Variants in MAP4K3 observed in about 807,000 individuals in gnomAD.
MAP4K3 encodes mitogen-activated protein kinase kinase kinase kinase 3.
MAP4K3 carries 94 observed loss-of-function variants against 143.5 expected under a neutral mutation model. The ratio of observed to expected loss-of-function variants is 0.65; its 90% CI spans 0.55 to 0.78. The LOEUF is 0.78. MAP4K3 is among the 30% of genes least tolerant of loss of function. MAP4K3 has a pLI of 0.00. For missense variants in MAP4K3, 1,077 were observed against 1,068.1 expected (o/e 1.01, Z -0.12); for synonymous variants, 416 against 347.2 (o/e 1.20, Z -2.20).
At chr2:39,340,873 G>C (rs1024086775) in intron 4 of MAP4K3, among the ~76,000 whole-genome samples, 5 of 152,132 alleles carry the variant, frequency 3.3e-5, no homozygotes, top group Admixed American at 1.3e-4. Context: ...CTGGAAGATA[G>C]ATATGAGTAT....
At chr2:39,396,063 A>T (rs1039446518) in intron 1 of MAP4K3, among the ~76,000 whole-genome samples, 2 of 152,052 alleles carry the variant, frequency 1.3e-5, no homozygotes, top group African/African-American at 4.8e-5. Flanking sequence ...TTGAGACAAG[A>T]TCTCACTCTG....
chr2:39,422,461 A>C (rs1458026552), intron 1 of MAP4K3, among the ~76,000 whole-genome samples: 1 of 152,214 alleles, frequency 6.6e-6, no homozygotes, highest in East Asian at 1.9e-4. Flanking sequence ...GTGAGGCCTC[A>C]GAAGAACCAA....
chr2:39,270,458 T>G (rs1036316002), intron 26 of MAP4K3, among the ~76,000 whole-genome samples: 5 of 152,236 alleles, frequency 3.3e-5, no homozygotes, highest in African/African-American at 1.2e-4. Context: ...CAATTTATCA[T>G]GCCCAATAAT....
chr2:39,278,190 G>A (rs1047664257), intron 24 of MAP4K3, among the ~76,000 whole-genome samples: 1 of 151,916 alleles, frequency 6.6e-6, no homozygotes, highest in African/African-American at 2.4e-5. Flanking sequence ...GCTGAGGCAT[G>A]AGAATTGCTT....
chr2:39,299,841 TATGACACACC>T (rs1682436390), intron 15 of MAP4K3, 40 bp from the exon 16 acceptor site: 1 of 992,368 alleles, frequency 1.0e-6, no homozygotes, highest in Admixed American at 2.4e-5. Flanking sequence ...AATAGTAGTA[TATGACACACC>T]ATGATACATT....
In MAP4K3 at chr2:39,336,625, T is replaced by G. The variant is rs552091944; in HGVS notation, c.414+295A>C. ...AAACTTACTAAAAACTATAACTTGA[T>G]GAAAGCTATAAGCTTACTCTGCATT... is the stretch of plus-strand genomic sequence containing the variant. On this transcript the variant is annotated intron_variant, in intron 6 of 33. Coordinates refer to ENST00000263881, the MANE Select transcript of MAP4K3 (RefSeq NM_003618.4). 9.2e-5 allele frequency among the ~76,000 whole-genome samples: 14 copies of G among 152,190 alleles called. No individual in the cohort carries two copies. In the South Asian group the frequency reaches 2.9e-3, roughly 32 times the overall value.
intron 2 of MAP4K3, 112 bp from the exon 3 acceptor site, chr2:39,356,451 G>A (rs1172981096): frequency 7.8e-6 from 5 of 639,196 alleles, no homozygotes; most frequent in African/African-American, 5.7e-5. Context: ...CATAATTAAT[G>A]AGTTATAAAT....
intron 17 of MAP4K3, 39 bp from the exon 18 acceptor site, chr2:39,292,865 T>C: frequency 6.4e-7 from 1 of 1,551,114 alleles, no homozygotes; most frequent in Non-Finnish European, 8.9e-7. Context: ...TTAAATGGAT[T>C]TTACCAAAAC....
chr2:39,323,705 GCT>G (rs1683395750), intron 12 of MAP4K3: 1 of 151,950 alleles, frequency 6.6e-6, no homozygotes, highest in African/African-American at 2.4e-5. Context: ...AAAGATACTT[GCT>G]CTGTGTCACA....
Position 39,272,368 on chromosome 2 carries a change from G to A in MAP4K3, c.1888C>T (p.Pro630Ser), listed in dbSNP as rs1395834822. Reference sequence around the variant, plus strand: ...TGTCTTGCATAATCAAAAAGCCCTGGTAAATTATGGGAATAAAGCTGAGAA... The same window carrying A: ...TGTCTTGCATAATCAAAAAGCCCTGATAAATTATGGGAATAAAGCTGAGAA... ...KASQLYSHNL[P>S]GLFDYARQMQ... Residue 630 changes from proline to serine, a missense_variant, in exon 26 of 34, where the codon CCA becomes TCA. Coordinates refer to ENST00000263881, the MANE Select transcript of MAP4K3 (RefSeq NM_003618.4). The A allele has an allele frequency of 2.5e-6, 4 of 1,613,526 alleles. No homozygotes were observed. The highest frequency in any genetic ancestry group is 1.3e-5 in the African/African-American group (1 of 74,888).
chr2:39,356,069 G>A (rs952727083), intron 3 of MAP4K3, 180 bp downstream of exon 3: 24 of 498,126 alleles, frequency 4.8e-5, no homozygotes, highest in African/African-American at 4.8e-4. Flanking sequence ...TCATACGACT[G>A]CAATATTGGT....
intron 2 of MAP4K3, among the ~76,000 whole-genome samples, chr2:39,373,026 T>C (rs1307101888): frequency 1.3e-5 from 2 of 152,116 alleles, no homozygotes; most frequent in African/African-American, 4.8e-5. Context: ...AGAAAATATC[T>C]GCAAACTACT....
rs376389310 is a variant in MAP4K3, at chr2:39,309,467, A to T, written c.1050T>A (p.His350Gln). Residue 350 changes from histidine to glutamine, a missense_variant, in exon 14 of 34, where the codon CAT becomes CAA. Physicochemically the swap from His to Gln is conservative, Grantham distance 24. Around this residue, in one of 2 missense-constraint regions of MAP4K3, gnomAD observed 864 missense variants for 801.2 expected, o/e 1.08. Coordinates refer to ENST00000263881, the MANE Select transcript of MAP4K3 (RefSeq NM_003618.4). ...PPLRKETEPH[H>Q]ELPDSDGFLD... ...CTAAGGCTATACTACTTACAAGTTC[A>T]TGATGTGGTTCTGTCTCCTTTCTTA... is the stretch of plus-strand genomic sequence containing the variant. 1.3e-6 allele frequency: 2 copies of T among 1,587,506 alleles called. No individual in the cohort carries two copies. Among genetic ancestry groups the T allele is most frequent in the Non-Finnish European group, 1.7e-6 (2 of 1,169,082 alleles).
intron 3 of MAP4K3, among the ~76,000 whole-genome samples, chr2:39,344,290 C>G (rs983244732): frequency 6.6e-6 from 1 of 152,172 alleles, no homozygotes; most frequent in Non-Finnish European, 1.5e-5. Flanking sequence ...GGCCAGCGGA[C>G]CAAATCTAGC....
chr2:39,399,403 C>A (rs1170148696), intron 1 of MAP4K3, among the ~76,000 whole-genome samples: 3 of 152,244 alleles, frequency 2.0e-5, no homozygotes, highest in African/African-American at 7.2e-5. Context: ...TCAATCCAGT[C>A]AAAGAATGAA....
chr2:39,399,174 G>C (rs536947095), intron 1 of MAP4K3, among the ~76,000 whole-genome samples: 1 of 151,806 alleles, frequency 6.6e-6, no homozygotes, highest in Non-Finnish European at 1.5e-5. Flanking sequence ...CTTTGAAAAC[G>C]TATGTTGTAC....
At chr2:39,345,680 G>T (rs1665268158) in intron 3 of MAP4K3, among the ~76,000 whole-genome samples, 2 of 152,024 alleles carry the variant, frequency 1.3e-5, no homozygotes, top group African/African-American at 4.8e-5. Flanking sequence ...AGCACTTTGG[G>T]AGGCCGAGGC....
At chr2:39,258,272 C>A in intron 31 of MAP4K3, 76 bp downstream of exon 31, 1 of 985,526 alleles carries the variant, frequency 1.0e-6, no homozygotes. Flanking sequence ...TAATATCAAT[C>A]TTTAATTTTG....
At chr2:39,361,201 C>G (rs952936124) in intron 2 of MAP4K3, among the ~76,000 whole-genome samples, 2 of 152,036 alleles carry the variant, frequency 1.3e-5, no homozygotes, top group East Asian at 1.9e-4. Flanking sequence ...TCTCCCACAC[C>G]CTTTTGTCTC....
Sources: gnomAD v4.1 joint callset for allele counts (sites outside exome capture counted in the v4.1 genomes callset) on GRCh38, gnomAD v4.1.1 for gene constraint, gnomAD v4.1.1 regional missense constraint, MANE v1.5 for transcripts, NCBI Gene and HGNC (gene_info 2026-07-23, HGNC 2026-07-21) for gene names.